The following KCNMA1 variants were observed in gnomAD, a reference collection of about 807,000 sequenced individuals.
The protein encoded by KCNMA1 is potassium calcium-activated channel subfamily M alpha 1.
KCNMA1 carries 29 observed loss-of-function variants against 140.0 expected under a neutral mutation model. The ratio of observed to expected loss-of-function variants is 0.21; its 90% confidence interval spans 0.15 to 0.28. KCNMA1 has a LOEUF of 0.28. Among genes scored for constraint, KCNMA1 ranks in the 10% least tolerant of loss-of-function variants. The pLI is 1.00. For missense variants in KCNMA1, 880 were observed against 1,602.2 expected, an observed-to-expected ratio of 0.55 and a Z score of 7.70; for synonymous variants, 612 against 611.9, an observed-to-expected ratio of 1.00 and a Z score of 0.00.
chr10:76,953,588 G>T (rs2067087522), intron 21 of KCNMA1, among the ~76,000 whole-genome samples: 1 of 152,112 alleles, frequency 6.6e-6, no homozygotes. Flanking sequence ...CTCTTATGAG[G>T]AGCCAATATA....
At chr10:76,936,608 G>C (rs184860605) in intron 23 of KCNMA1, among the ~76,000 whole-genome samples, 1 of 152,156 alleles carries the variant, frequency 6.6e-6, no homozygotes, top group Non-Finnish European at 1.5e-5. Flanking sequence ...TATGGGAGCA[G>C]CTGAAAAAAT....
intron 19 of KCNMA1, among the ~76,000 whole-genome samples, chr10:76,989,958 A>G (rs1334131896): frequency 2.6e-5 from 4 of 152,194 alleles, no homozygotes; most frequent in Non-Finnish European, 4.4e-5. Flanking sequence ...TGTTAATTTC[A>G]TATGTTAATG....
chr10:77,410,357 T>A (rs2096591602), intron 1 of KCNMA1, among the ~76,000 whole-genome samples: 1 of 152,096 alleles, frequency 6.6e-6, no homozygotes, highest in Non-Finnish European at 1.5e-5. Context: ...GCACCACACC[T>A]GCTGGATGAC....
rs112281875 is a variant in KCNMA1 at position 77,043,717 on chromosome 10, C to T, written c.1750-4080G>A. 1.8e-3 allele frequency among the ~76,000 whole-genome samples: 270 copies of T among 152,266 alleles called. 1 individual carries two copies. The highest frequency in any genetic ancestry group is 6.2e-3 in the African/African-American group (256 of 41,554). On this transcript the variant is annotated intron_variant, in intron 14 of 27. Transcript: ENST00000286628. ...ACATGGATGACCCTTGAAGGCATTA[C>T]GCTAATTGAAATAACCCAATCAAAA...
chr10:77,503,815 C>T (rs1003680913), intron 1 of KCNMA1, among the ~76,000 whole-genome samples: 6 of 152,160 alleles, frequency 3.9e-5, no homozygotes, highest in East Asian at 1.9e-4. Flanking sequence ...ACAAGTGCTG[C>T]GGGATTTTTC....
intron 9 of KCNMA1, among the ~76,000 whole-genome samples, chr10:77,105,155 T>G (rs888903579): frequency 6.6e-6 from 1 of 152,310 alleles, no homozygotes; most frequent in Middle Eastern, 3.4e-3. Context: ...CACACGCACA[T>G]GTGCACAATT....
intron 3 of KCNMA1, among the ~76,000 whole-genome samples, chr10:77,244,273 A>C (rs1224659978): frequency 6.6e-6 from 1 of 152,210 alleles, no homozygotes; most frequent in African/African-American, 2.4e-5. Flanking sequence ...CAGTGGCACC[A>C]GTTGGGATCC....
chr10:76,884,956 G>T lies in KCNMA1; in HGVS notation c.*2310C>A. 6.5e-7 allele frequency: 1 copy of T among 1,538,180 alleles called. No individual in the cohort carries two copies. The highest frequency in any genetic ancestry group is 8.8e-7 in the Non-Finnish European group (1 of 1,141,374). ...GTTATAGAAGAAAACCCCCAGCAGTGGCTAGGTCATGCAGAACCATTAATT... is the reference window on the plus strand; with the variant it reads ...GTTATAGAAGAAAACCCCCAGCAGTTGCTAGGTCATGCAGAACCATTAATT... On this transcript the variant is annotated 3_prime_UTR_variant, in exon 28 of 28. Coordinates refer to ENST00000286628, the MANE Select transcript of KCNMA1 (RefSeq NM_001161352.2).
rs79705455 is a variant in KCNMA1, at chr10:76,983,428, T to C, written c.2267-13361A>G. Among the ~76,000 whole-genome samples the C allele has an allele frequency of 3.2e-4, 48 of 152,180 alleles. No homozygotes were observed. In the East Asian group the frequency reaches 9.1e-3, roughly 29 times the overall value. ...GCTTCCAAAGTTCTTTACGGCCTGA[T>C]AGGTAGAAATTTAATAATGAAGGGC... On this transcript the variant is annotated intron_variant, in intron 19 of 27. Transcript: ENST00000286628.
chr10:77,111,232 A>G (rs2097314147), intron 7 of KCNMA1, among the ~76,000 whole-genome samples: 1 of 152,164 alleles, frequency 6.6e-6, no homozygotes, highest in Non-Finnish European at 1.5e-5. Flanking sequence ...CTGCGGGCCC[A>G]ATTTTACTCA....
chr10:77,171,775 T>C (rs1396080299), intron 5 of KCNMA1, among the ~76,000 whole-genome samples: 1 of 152,110 alleles, frequency 6.6e-6, no homozygotes, highest in African/African-American at 2.4e-5. Flanking sequence ...TCTATTAAGC[T>C]CCCAGGCCAT....
chr10:76,982,211 C>T (rs969091460), intron 19 of KCNMA1, among the ~76,000 whole-genome samples: 1 of 151,726 alleles, frequency 6.6e-6, no homozygotes, highest in Admixed American at 6.6e-5. Flanking sequence ...TACGAATATA[C>T]GAACTCATAA....
chr10:77,322,645 A>G (rs2082700753), intron 2 of KCNMA1, among the ~76,000 whole-genome samples: 2 of 152,160 alleles, frequency 1.3e-5, no homozygotes, highest in South Asian at 4.1e-4. Flanking sequence ...GTTGTCAATG[A>G]GGGGAAGGGA....
chr10:77,064,476 T>C (rs187498547), intron 14 of KCNMA1, among the ~76,000 whole-genome samples: 11 of 152,368 alleles, frequency 7.2e-5, no homozygotes, highest in African/African-American at 2.4e-4. Flanking sequence ...CTGTATGGGC[T>C]TCTTTTTGCT....
chr10:77,510,960 A>C (rs1172705596), intron 1 of KCNMA1, among the ~76,000 whole-genome samples: 3 of 152,254 alleles, frequency 2.0e-5, no homozygotes, highest in Non-Finnish European at 4.4e-5. Context: ...GATTAACAAC[A>C]CATGGAGTGA....
chr10:76,912,871 T>G (rs987792155), intron 24 of KCNMA1: 1 of 152,156 alleles, frequency 6.6e-6, no homozygotes, highest in African/African-American at 2.4e-5. Flanking sequence ...CCTCCAGTTC[T>G]GAGGAGAGCA....
At chr10:77,117,539 CAAAAAAAAAAAAA>C (rs56926398) in intron 6 of KCNMA1, among the ~76,000 whole-genome samples, 28 of 22,516 alleles carry the variant, frequency 1.2e-3, no homozygotes, top group Non-Finnish European at 2.0e-3. Flanking sequence ...GAGTCTATCT[CAAAAAAAAAAAAA>C]AAAAAAAAAA....
intron 1 of KCNMA1, among the ~76,000 whole-genome samples, chr10:77,509,040 G>A (rs1367105916): frequency 2.0e-5 from 3 of 152,086 alleles, no homozygotes; most frequent in Non-Finnish European, 2.9e-5. Context: ...CACATTGAAC[G>A]GACATTTCAG....
intron 14 of KCNMA1, among the ~76,000 whole-genome samples, chr10:77,057,863 C>A (rs937853642): frequency 6.6e-6 from 1 of 151,490 alleles, no homozygotes; most frequent in Non-Finnish European, 1.5e-5. Flanking sequence ...AAAACTGAAA[C>A]AGGAAACAAA....
Sources: allele counts gnomAD v4.1 joint callset (sites outside exome capture counted in the v4.1 genomes callset), GRCh38; gene constraint gnomAD v4.1.1; transcripts MANE v1.5; gene names NCBI Gene and HGNC (gene_info 2026-07-23, HGNC 2026-07-21).